The following FAR2 variants were observed in gnomAD, a reference collection of about 807,000 sequenced individuals.
FAR2 encodes fatty acyl-CoA reductase 2.
Under a neutral mutation model 56.0 loss-of-function variants are expected in FAR2, and 19 were observed. The observed-to-expected ratio is 0.34, with a 90% CI of 0.24 to 0.50. FAR2 has a LOEUF of 0.50. FAR2 is among the 20% of genes least tolerant of loss of function. The pLI, the probability that FAR2 is intolerant of heterozygous loss-of-function variation, is 0.98. For missense variants in FAR2, 508 were observed against 642.2 expected, an observed-to-expected ratio of 0.79 and a Z score of 2.26; for synonymous variants, 219 against 218.8, an observed-to-expected ratio of 1.00 and a Z score of -0.01.
intron 8 of FAR2, among the ~76,000 whole-genome samples, chr12:29,313,649 T>C (rs1949391393): frequency 6.6e-6 from 1 of 152,152 alleles, no homozygotes; most frequent in Non-Finnish European, 1.5e-5. Context: ...TAGTAAATTA[T>C]ATTTGTCTCT....
At chr12:29,320,383 A>C (rs1455306705) in intron 9 of FAR2, among the ~76,000 whole-genome samples, 2 of 152,224 alleles carry the variant, frequency 1.3e-5, no homozygotes, top group Admixed American at 6.5e-5. Flanking sequence ...AGAATGACTA[A>C]AGATTTAGAT....
At chr12:29,227,442 A>G (rs1947786637) in intron 1 of FAR2, among the ~76,000 whole-genome samples, 1 of 152,116 alleles carries the variant, frequency 6.6e-6, no homozygotes, top group Admixed American at 6.5e-5. Context: ...CCTCCCTTTC[A>G]TCTTTCTTAG....
chr12:29,220,228 G>T (rs1458336761), intron 1 of FAR2, among the ~76,000 whole-genome samples: 2 of 152,108 alleles, frequency 1.3e-5, no homozygotes, highest in East Asian at 1.9e-4. Context: ...ACCCTTTCTT[G>T]GTTACATTTT....
At chr12:29,225,802 T>C (rs1445202750) in intron 1 of FAR2, among the ~76,000 whole-genome samples, 5 of 152,238 alleles carry the variant, frequency 3.3e-5, no homozygotes, top group Non-Finnish European at 4.4e-5. Context: ...CTCACCTTTT[T>C]TCAATTTCAA....
rs899058423 is a variant in FAR2 at position 29,239,647 on chromosome 12, C to T, written c.-38-30765C>T. Among the ~76,000 whole-genome samples the T allele has an allele frequency of 3.3e-5, 5 of 152,168 alleles. No individual in the cohort carries two copies. The South Asian group carries it at 1.0e-3, about 32-fold the overall frequency. On this transcript the variant is annotated intron_variant, in intron 1 of 11. Coordinates refer to ENST00000536681, the MANE Select transcript of FAR2 (RefSeq NM_001271783.2). ...GCTGGAAAGCCACAAAACAAATGTC[C>T]CCCAAAGTCATCATAACCAAAGATT...
At chr12:29,183,008 T>G (rs902404390) in intron 1 of FAR2, among the ~76,000 whole-genome samples, 8 of 150,208 alleles carry the variant, frequency 5.3e-5, no homozygotes, top group African/African-American at 2.0e-4. Context: ...ATCCTGTTCC[T>G]CCATCACTCC....
chr12:29,275,630 T>A (rs925492479), intron 2 of FAR2, among the ~76,000 whole-genome samples: 1 of 152,158 alleles, frequency 6.6e-6, no homozygotes, highest in Non-Finnish European at 1.5e-5. Flanking sequence ...CAATCACCCC[T>A]GCTTCTAGTA....
At chr12:29,186,979 G>A (rs978717028) in intron 1 of FAR2, among the ~76,000 whole-genome samples, 4 of 151,880 alleles carry the variant, frequency 2.6e-5, no homozygotes, top group Non-Finnish European at 5.9e-5. Context: ...TAGTAGAGAC[G>A]GGGTTTCACC....
intron 3 of FAR2, among the ~76,000 whole-genome samples, chr12:29,296,349 T>C (rs879938815): frequency 9.9e-5 from 15 of 152,242 alleles, no homozygotes; most frequent in Non-Finnish European, 2.9e-5. Flanking sequence ...CTAGTGAATT[T>C]GTTTAACTAA....
At chr12:29,256,966 A>T (rs11615636) in intron 1 of FAR2, among the ~76,000 whole-genome samples, 20,691 of 152,056 alleles carry the variant, frequency 0.14, 1,527 homozygotes, top group Middle Eastern at 0.28. Context: ...CTCCTCGACG[A>T]GCGCCACCCC....
At chr12:29,324,489 C>A (rs756628659) in intron 10 of FAR2, among the ~76,000 whole-genome samples, 40 of 152,316 alleles carry the variant, frequency 2.6e-4, no homozygotes, top group Non-Finnish European at 4.4e-4. Context: ...GTGTTAAGAG[C>A]AGCCAGAGAG....
chr12:29,194,001 T>C (rs1950123582), intron 1 of FAR2, among the ~76,000 whole-genome samples: 1 of 152,208 alleles, frequency 6.6e-6, no homozygotes, highest in South Asian at 2.1e-4. Context: ...CAATAGGCAA[T>C]GTACTAGAGA....
At chr12:29,302,542 G>T (rs558176960) in intron 4 of FAR2, among the ~76,000 whole-genome samples, 1 of 152,178 alleles carries the variant, frequency 6.6e-6, no homozygotes, top group African/African-American at 2.4e-5. Context: ...TAGGGAAGAA[G>T]TTAGAGATCA....
At chr12:29,204,858 C>A (rs928319231) in intron 1 of FAR2, among the ~76,000 whole-genome samples, 1 of 152,084 alleles carries the variant, frequency 6.6e-6, no homozygotes, top group Middle Eastern at 3.2e-3. Context: ...GGAACAGCAC[C>A]AAGGAGATGG....
At chr12:29,221,355 G>A (rs919668309) in intron 1 of FAR2, among the ~76,000 whole-genome samples, 1 of 152,072 alleles carries the variant, frequency 6.6e-6, no homozygotes, top group Non-Finnish European at 1.5e-5. Flanking sequence ...TCCTGGTCGG[G>A]GCGGGGAGCC....
At chr12:29,293,556 A>G in intron 3 of FAR2, 81 bp downstream of exon 3, 1 of 1,232,706 alleles carries the variant, frequency 8.1e-7, no homozygotes, top group Non-Finnish European at 1.1e-6. Flanking sequence ...AAAAAAAAGA[A>G]ATACACTCTA....
intron 10 of FAR2, among the ~76,000 whole-genome samples, chr12:29,328,808 C>G (rs183316398): frequency 7.8e-4 from 118 of 151,422 alleles, no homozygotes; most frequent in Middle Eastern, 6.8e-3. Flanking sequence ...CGAGTTAATG[C>G]GTGCAGCACA....
At chr12:29,177,321 A>C (rs147763405) in intron 1 of FAR2, among the ~76,000 whole-genome samples, 4 of 152,214 alleles carry the variant, frequency 2.6e-5, no homozygotes, top group Non-Finnish European at 5.9e-5. Flanking sequence ...AATAATGTAC[A>C]GGGCAAAAAA....
intron 4 of FAR2, 130 bp from the exon 5 acceptor site, chr12:29,307,528 A>G: frequency 1.1e-6 from 1 of 872,298 alleles, no homozygotes; most frequent in Non-Finnish European, 1.7e-6. Context: ...CAAACTTGGT[A>G]TCATGTGACT....
Sources: gnomAD v4.1 joint callset for allele counts (sites outside exome capture counted in the v4.1 genomes callset) on GRCh38, gnomAD v4.1.1 for gene constraint, MANE v1.5 for transcripts, NCBI Gene and HGNC (gene_info 2026-07-23, HGNC 2026-07-21) for gene names.